The following CCDC93 variants were observed in gnomAD, a reference collection of about 807,000 sequenced individuals.
CCDC93 encodes the protein coiled-coil domain-containing protein 93.
CCDC93 carries 61 observed loss-of-function variants against 108.2 expected under a neutral mutation model. The observed-to-expected ratio is 0.56, with a 90% CI of 0.46 to 0.70. The LOEUF is 0.70. Among genes scored for constraint, CCDC93 ranks in the 30% least tolerant of loss-of-function variants. CCDC93 has a pLI of 0.00. For synonymous variants in CCDC93, 276 were observed against 260.4 expected (o/e 1.06, Z -0.58); for missense variants, 685 against 764.2 (o/e 0.90, Z 1.22).
Position 117,993,826 on chromosome 2 carries a change from T to G in CCDC93, c.519+1620A>C, listed in dbSNP as rs150221709. ...TTGGCTCACTGCTACCTCTGCCTTC[T>G]GGGTTCAAGCAATTCTCCTGCCTCA... is the stretch of plus-strand genomic sequence containing the variant. On this transcript the variant is annotated intron_variant, in intron 6 of 23. Coordinates refer to ENST00000376300, the MANE Select transcript of CCDC93 (RefSeq NM_019044.5). Among the ~76,000 whole-genome samples the G allele has an allele frequency of 2.5e-3, 384 of 152,312 alleles. 3 individuals carry two copies. Among genetic ancestry groups the G allele is most frequent in the African/African-American group, 8.8e-3 (367 of 41,586 alleles).
At chr2:117,970,698 A>G (rs1288738784) in intron 11 of CCDC93, among the ~76,000 whole-genome samples, 1 of 152,208 alleles carries the variant, frequency 6.6e-6, no homozygotes, top group Non-Finnish European at 1.5e-5. Context: ...TATTAGTTAC[A>G]TGGTACTGGA....
intron 13 of CCDC93, chr2:117,950,629 G>C: frequency 1.0e-6 from 1 of 985,408 alleles, no homozygotes; most frequent in Non-Finnish European, 1.2e-6. Flanking sequence ...GGAATGAAAG[G>C]GTTCAGAGCG....
chr2:117,936,626 T>C (rs1678533539), intron 21 of CCDC93, 76 bp downstream of exon 21: 1 of 1,123,232 alleles, frequency 8.9e-7, no homozygotes, highest in Non-Finnish European at 1.4e-6. Flanking sequence ...AAGCACATTA[T>C]AGCAATGTGA....
rs1393012601 is a variant in CCDC93 at position 117,918,894 on chromosome 2, T to C, written c.*1449A>G. ...GTGGCTGTTTTTAATCCAGCACGTG[T>C]GTGTGTTTTTAAATCTGTACACATC... On this transcript the variant is annotated 3_prime_UTR_variant, in exon 24 of 24. Transcript: ENST00000376300. 1 of 152,196 alleles carries C rather than the reference T, an allele frequency of 6.6e-6. No individual in the cohort carries two copies. The highest frequency in any genetic ancestry group is 1.5e-5 in the Non-Finnish European group (1 of 68,030). The allele number at this position is 152,196 out of a possible 1,614,324, so 9.4% of individuals were successfully genotyped here. A position where few individuals can be genotyped will look rare whatever the true frequency, so the allele number is the denominator to read the frequency against.
At chr2:117,924,107 T>C (rs1011494446) in intron 23 of CCDC93, among the ~76,000 whole-genome samples, 1 of 152,054 alleles carries the variant, frequency 6.6e-6, no homozygotes, top group Non-Finnish European at 1.5e-5. Context: ...AGAAAGGACA[T>C]CCACACCAAA....
Position 117,915,878 on chromosome 2 carries a change from G to A in CCDC93, c.*4465C>T, listed in dbSNP as rs1405746377. On this transcript the variant is annotated 3_prime_UTR_variant, in exon 24 of 24. Transcript: ENST00000376300. ...TCATGCATCTTGGGGCCCATTCTAT[G>A]GTAGTACACACACACAGGATCCATT... 6.6e-6 allele frequency: 1 copy of A among 152,112 alleles called. No homozygotes were observed. Among genetic ancestry groups the A allele is most frequent in the Non-Finnish European group, 1.5e-5 (1 of 68,026 alleles). The allele number at this position is 152,112 out of a possible 1,614,324, so 9.4% of individuals were successfully genotyped here.
At chr2:117,993,673 C>A (rs1467919766) in intron 6 of CCDC93, among the ~76,000 whole-genome samples, 1 of 152,160 alleles carries the variant, frequency 6.6e-6, no homozygotes, top group Non-Finnish European at 1.5e-5. Flanking sequence ...TTATCATATC[C>A]AACTAACTGG....
At chr2:117,964,340 C>A (rs1213100214) in intron 11 of CCDC93, among the ~76,000 whole-genome samples, 1 of 152,156 alleles carries the variant, frequency 6.6e-6, no homozygotes, top group Non-Finnish European at 1.5e-5. Context: ...TAAATTGTGT[C>A]ACAGAGGAAA....
intron 4 of CCDC93, chr2:117,998,843 A>G (rs977059882): frequency 3.3e-5 from 5 of 152,186 alleles, no homozygotes; most frequent in Admixed American, 2.0e-4. Flanking sequence ...CCAACTTCCT[A>G]TTTTCATAAA....
intron 12 of CCDC93, among the ~76,000 whole-genome samples, chr2:117,956,541 G>A (rs1042468478): frequency 6.6e-6 from 1 of 152,150 alleles, no homozygotes; most frequent in Non-Finnish European, 1.5e-5. Flanking sequence ...CCATAATAAG[G>A]AAGACTCATC....
At chr2:117,968,101 G>A (rs1262232329) in intron 11 of CCDC93, among the ~76,000 whole-genome samples, 1 of 152,156 alleles carries the variant, frequency 6.6e-6, no homozygotes, top group East Asian at 1.9e-4. Flanking sequence ...TTAGGGAGAA[G>A]TCAACCAATG....
rs1184566283 is a variant in CCDC93, at chr2:117,918,744, C to G, written c.*1599G>C. 3 of 152,096 alleles carry G rather than the reference C, an allele frequency of 2.0e-5. No individual in the cohort carries two copies. Among genetic ancestry groups the G allele is most frequent in the African/African-American group, 4.8e-5 (2 of 41,458 alleles). The allele number at this position is 152,096 out of a possible 1,614,324, so 9.4% of individuals were successfully genotyped here. The stretch of plus-strand genomic sequence containing the variant: ...CTTCAAAACCCCCACATGACCACGG[C>G]TCAGGGACCAGCTGAGGTGGAGCTG... On this transcript the variant is annotated 3_prime_UTR_variant, in exon 24 of 24. Transcript: ENST00000376300.
chr2:117,918,520 C>T lies in CCDC93; in HGVS notation c.*1823G>A, dbSNP rs2104689614. On this transcript the variant is annotated 3_prime_UTR_variant, in exon 24 of 24. Transcript: ENST00000376300. Reference sequence around the variant, plus strand: ...CAGAATGTCATCTGCCTCCCTACCACCTTTGGACAAATATTCAAATAACTG... The same window carrying T: ...CAGAATGTCATCTGCCTCCCTACCATCTTTGGACAAATATTCAAATAACTG... The T allele has an allele frequency of 6.6e-6, 1 of 152,368 alleles. No individual in the cohort carries two copies. Among genetic ancestry groups the T allele is most frequent in the African/African-American group, 2.4e-5 (1 of 41,572 alleles). 9.4% of individuals were successfully genotyped at this position (152,368 alleles called of 1,614,324 possible). A position where few individuals can be genotyped will look rare whatever the true frequency, so the allele number is the denominator to read the frequency against.
chr2:117,931,337 A>C (rs1158388847), intron 22 of CCDC93, 187 bp from the exon 23 acceptor site: 1 of 528,068 alleles, frequency 1.9e-6, no homozygotes, highest in Non-Finnish European at 3.3e-6. Context: ...CAATTTATTC[A>C]GCAATTTTTC....
rs767290951 is a variant in CCDC93, at chr2:117,952,355, G to A, written c.1068+18C>T. On this transcript the variant is annotated intron_variant, in intron 13 of 23. Transcript: ENST00000376300. ...TCTTGACAAGGGCCCACAGAAGAAGGAGAATCTATCTGCTCACCTCTGTCA... is the reference window on the plus strand; with the variant it reads ...TCTTGACAAGGGCCCACAGAAGAAGAAGAATCTATCTGCTCACCTCTGTCA... 2.6e-6 allele frequency: 4 copies of A among 1,563,504 alleles called. No individual in the cohort carries two copies. The highest frequency in any genetic ancestry group is 1.8e-6 in the Non-Finnish European group (2 of 1,133,876).
chr2:117,953,647 A>G (rs1345465047), intron 12 of CCDC93, among the ~76,000 whole-genome samples: 1 of 150,072 alleles, frequency 6.7e-6, no homozygotes, highest in African/African-American at 2.4e-5. Flanking sequence ...TTAAGTCATG[A>G]GGGCTCCAGC....
chr2:117,957,372 C>A (rs1052097410), intron 12 of CCDC93, among the ~76,000 whole-genome samples: 1 of 152,140 alleles, frequency 6.6e-6, no homozygotes, highest in East Asian at 1.9e-4. Flanking sequence ...AGTCTCATAT[C>A]ACCAGGTATT....
intron 23 of CCDC93, among the ~76,000 whole-genome samples, chr2:117,926,071 G>A (rs1266502978): frequency 6.6e-6 from 1 of 152,010 alleles, no homozygotes; most frequent in African/African-American, 2.4e-5. Flanking sequence ...TGAAACCAAC[G>A]AGAACAAAGA....
At chr2:117,945,454 G>T in intron 17 of CCDC93, 75 bp downstream of exon 17, 1 of 1,183,590 alleles carries the variant, frequency 8.4e-7, no homozygotes, top group Non-Finnish European at 1.3e-6. Context: ...GGCATGAGAA[G>T]CCATCACAGG....
Sources: allele counts gnomAD v4.1 joint callset (sites outside exome capture counted in the v4.1 genomes callset), GRCh38; gene constraint gnomAD v4.1.1; transcripts MANE v1.5; gene names NCBI Gene and HGNC (gene_info 2026-07-23, HGNC 2026-07-21).